PLAA: variants seen among roughly 807,000 people sequenced by gnomAD.
The protein encoded by PLAA is phospholipase A2 activating protein.
Under a neutral mutation model 84.1 loss-of-function variants are expected in PLAA, and 48 were observed. That is an observed-to-expected ratio of 0.57 (90% CI 0.45 to 0.73). PLAA has a LOEUF of 0.73. Ranked by LOEUF, PLAA falls within the 30% of genes least tolerant of loss-of-function variation. The pLI, the probability that PLAA is intolerant of heterozygous loss-of-function variation, is 0.00. For synonymous variants in PLAA, 392 were observed against 336.6 expected, an observed-to-expected ratio of 1.16 and a Z score of -1.80; for missense variants, 903 against 954.7, an observed-to-expected ratio of 0.95 and a Z score of 0.71.
At position 26,925,904 on chromosome 9, in the gene PLAA, C is replaced by T. The variant is rs201894598; in HGVS notation, c.790G>A (p.Ala264Thr). 1.6e-4 allele frequency: 251 copies of T among 1,613,430 alleles called. No homozygotes were observed. Among genetic ancestry groups the T allele is most frequent in the Non-Finnish European group, 1.9e-4 (227 of 1,179,492 alleles). The change falls in exon 6 of 14, where the codon GCT (alanine) becomes ACT (threonine). Residue 264 changes from alanine (A) to threonine (T), a missense_variant. Transcript: ENST00000397292. ...SLRIWKHGEC[A>T]QTIRLPAQSI... ...TGAGCTGGAAGTCGGATAGTTTGAG[C>T]ACATTCCCCATGTTTCCAGATTCTC...
intron 1 of PLAA, among the ~76,000 whole-genome samples, chr9:26,942,631 C>T (rs1563921898): frequency 6.6e-6 from 1 of 152,236 alleles, no homozygotes; most frequent in East Asian, 1.9e-4. Context: ...GCCTGTAATC[C>T]GAGCACTTTG....
chr9:26,938,544 C>A (rs1477201459), intron 1 of PLAA, among the ~76,000 whole-genome samples: 2 of 126,006 alleles, frequency 1.6e-5, no homozygotes. Context: ...AAGAGTAAGA[C>A]ACCATTTCTT....
At chr9:26,915,006 A>G (rs1170666655) in intron 10 of PLAA, among the ~76,000 whole-genome samples, 1 of 152,210 alleles carries the variant, frequency 6.6e-6, no homozygotes, top group African/African-American at 2.4e-5. Context: ...TGAGGTCAGG[A>G]GTTCGAGACC....
chr9:26,939,770 T>C (rs974020511), intron 1 of PLAA, among the ~76,000 whole-genome samples: 1 of 151,860 alleles, frequency 6.6e-6, no homozygotes, highest in Non-Finnish European at 1.5e-5. Context: ...TTAGACAAAA[T>C]TGACCTTAAA....
At chr9:26,928,843 A>C (rs922718983) in intron 2 of PLAA, among the ~76,000 whole-genome samples, 1 of 152,246 alleles carries the variant, frequency 6.6e-6, no homozygotes, top group African/African-American at 2.4e-5. Context: ...AAAAGTAATG[A>C]AGTGGTTAAT....
At chr9:26,909,615 T>G (rs991066051) in intron 12 of PLAA, among the ~76,000 whole-genome samples, 10 of 150,600 alleles carry the variant, frequency 6.6e-5, no homozygotes, top group Non-Finnish European at 1.5e-4. Flanking sequence ...GCAGATTAAT[T>G]TCTTTTTTTT....
rs746423070 is a variant in PLAA at position 26,919,508 on chromosome 9, T to C, written c.1219A>G (p.Ile407Val). 8.8e-6 allele frequency: 14 copies of C among 1,599,430 alleles called. No homozygotes were observed. The African/African-American group carries it at 9.4e-5, about 11-fold the overall frequency. The change falls in exon 9 of 14, where the codon ATT becomes GTT. Residue 407 changes from isoleucine to valine, a missense_variant. Ile to Val is a conservative substitution (Grantham distance 29). Coordinates refer to ENST00000397292, the MANE Select transcript of PLAA (RefSeq NM_001031689.3). The stretch of plus-strand genomic sequence containing the variant: ...GATGGTCCACCTTCATTGACATCAA[T>C]TGAGAAAACATAATCAAATTCCTAA... ...EGKEFDYVFS[I>V]DVNEGGPSYK...
intron 1 of PLAA, among the ~76,000 whole-genome samples, chr9:26,943,661 T>C (rs562182529): frequency 1.7e-4 from 26 of 152,298 alleles, no homozygotes; most frequent in African/African-American, 6.0e-4. Flanking sequence ...AATATGCTGT[T>C]ATGAGCTGGG....
intron 1 of PLAA, among the ~76,000 whole-genome samples, chr9:26,944,612 G>T (rs1038624026): frequency 4.6e-5 from 7 of 152,048 alleles, no homozygotes; most frequent in African/African-American, 1.4e-4. Context: ...CACAAAAAAA[G>T]CCTCATAATG....
intron 9 of PLAA, 38 bp downstream of exon 9, chr9:26,919,272 A>G: frequency 7.7e-7 from 1 of 1,294,044 alleles, no homozygotes; most frequent in Non-Finnish European, 1.1e-6. Flanking sequence ...ATCAACACTA[A>G]TGGAACTACA....
At chr9:26,926,674 G>C (rs966791528) in intron 4 of PLAA, 114 bp from the exon 5 acceptor site, 2 of 719,438 alleles carry the variant, frequency 2.8e-6, no homozygotes, top group Non-Finnish European at 4.2e-6. Context: ...TAATTTTCAA[G>C]TTAGAGAAAT....
At chr9:26,917,966 A>G (rs539897845) in intron 9 of PLAA, among the ~76,000 whole-genome samples, 2 of 152,334 alleles carry the variant, frequency 1.3e-5, no homozygotes, top group East Asian at 3.9e-4. Context: ...CAGTACTACA[A>G]TCTGTGTTCA....
At chr9:26,913,718 C>A (rs2131370980) in intron 11 of PLAA, among the ~76,000 whole-genome samples, 161 bp downstream of exon 11, 1 of 152,168 alleles carries the variant, frequency 6.6e-6, no homozygotes, top group Non-Finnish European at 1.5e-5. Flanking sequence ...AGTAATCAGA[C>A]AATTCTGAGA....
At chr9:26,926,155 GT>G (rs1824951772) in intron 5 of PLAA, among the ~76,000 whole-genome samples, 195 bp from the exon 6 acceptor site, 1 of 152,088 alleles carries the variant, frequency 6.6e-6, no homozygotes, top group Non-Finnish European at 1.5e-5. Context: ...CTTACAAAGT[GT>G]TTCTTCAGAT....
At chr9:26,938,700 TA>T (rs1425196540) in intron 1 of PLAA, among the ~76,000 whole-genome samples, 1 of 151,862 alleles carries the variant, frequency 6.6e-6, no homozygotes. Flanking sequence ...AAGATCTCAA[TA>T]ATGGTAAATA....
intron 11 of PLAA, among the ~76,000 whole-genome samples, chr9:26,911,929 A>G (rs1824412338): frequency 6.6e-6 from 1 of 152,224 alleles, no homozygotes; most frequent in Admixed American, 6.5e-5. Flanking sequence ...TTAATTGTTT[A>G]TAAACAATAA....
chr9:26,911,706 A>G (rs1031825236), intron 11 of PLAA, among the ~76,000 whole-genome samples: 10 of 152,262 alleles, frequency 6.6e-5, no homozygotes, highest in Non-Finnish European at 1.2e-4. Flanking sequence ...TTCAATAAAT[A>G]AAGTGACCTT....
At chr9:26,932,866 G>A (rs1276558269) in intron 2 of PLAA, among the ~76,000 whole-genome samples, 1 of 152,176 alleles carries the variant, frequency 6.6e-6, no homozygotes, top group Non-Finnish European at 1.5e-5. Context: ...CGGGCACAGT[G>A]GCTCATGCCT....
chr9:26,934,467 A>T lies in PLAA; in HGVS notation c.343+546T>A, dbSNP rs144486183. Among the ~76,000 whole-genome samples, 452 of 141,044 alleles carry T rather than the reference A, an allele frequency of 3.2e-3. 2 individuals carry two copies. The highest frequency in any genetic ancestry group is 0.011 in the African/African-American group (428 of 38,992). 92.5% of individuals were successfully genotyped at this position (141,044 alleles called of 152,430 possible). On this transcript the variant is annotated intron_variant, in intron 2 of 13. Coordinates refer to ENST00000397292, the MANE Select transcript of PLAA (RefSeq NM_001031689.3). ...ATTATATAGCCTCTTTTATTACTGA[A>T]CACTTTACTTTTTTTTTTTTTTTTT...
Sources: gnomAD v4.1 joint callset for allele counts (sites outside exome capture counted in the v4.1 genomes callset) on GRCh38, gnomAD v4.1.1 for gene constraint, MANE v1.5 for transcripts, NCBI Gene and HGNC (gene_info 2026-07-23, HGNC 2026-07-21) for gene names.